Variants in AGBL4 observed in about 807,000 individuals in gnomAD.
AGBL4 encodes AGBL carboxypeptidase 4.
A neutral mutation model predicts 66.4 loss-of-function variants in AGBL4; 58 were observed. The observed-to-expected ratio is 0.87, with a 90% CI of 0.71 to 1.09. The LOEUF (loss-of-function observed/expected upper bound fraction) is 1.09. Ranked by LOEUF, AGBL4 falls within the 50% of genes least tolerant of loss-of-function variation. AGBL4 has a pLI of 0.00. For missense variants in AGBL4, 579 were observed against 631.0 expected (o/e 0.92, Z 0.88); for synonymous variants, 234 against 222.9 (o/e 1.05, Z -0.44).
At chr1:49,457,460 G>C (rs1315028113) in intron 3 of AGBL4, among the ~76,000 whole-genome samples, 1 of 151,750 alleles carries the variant, frequency 6.6e-6, no homozygotes, top group East Asian at 1.9e-4. Flanking sequence ...CTGGATATTA[G>C]CCCTTTGTTG....
chr1:48,829,186 T>C (rs1646495563), intron 6 of AGBL4, among the ~76,000 whole-genome samples: 2 of 152,182 alleles, frequency 1.3e-5, no homozygotes, highest in Non-Finnish European at 2.9e-5. Flanking sequence ...ACATAAGAGC[T>C]TGGTGGACCA....
intron 3 of AGBL4, among the ~76,000 whole-genome samples, chr1:49,394,965 A>G (rs1644927286): frequency 6.6e-6 from 1 of 152,184 alleles, no homozygotes; most frequent in African/African-American, 2.4e-5. Context: ...AATTAAGCCA[A>G]ACCATCAATC....
chr1:49,476,701 G>A (rs1308302606), intron 3 of AGBL4, among the ~76,000 whole-genome samples: 1 of 151,930 alleles, frequency 6.6e-6, no homozygotes, highest in African/African-American at 2.4e-5. Flanking sequence ...CTTAAAGACT[G>A]TTTTATGTAA....
intron 3 of AGBL4, among the ~76,000 whole-genome samples, chr1:49,673,828 G>T (rs1646527998): frequency 1.3e-5 from 2 of 151,904 alleles, no homozygotes; most frequent in Non-Finnish European, 2.9e-5. Context: ...AATCTAGTGT[G>T]CTGAGTTGTG....
At chr1:48,572,744 C>G (rs963184415) in intron 11 of AGBL4, among the ~76,000 whole-genome samples, 4 of 152,148 alleles carry the variant, frequency 2.6e-5, no homozygotes, top group Middle Eastern at 6.3e-3. Context: ...CCCTCCAGAG[C>G]ATAGGTCTTA....
intron 4 of AGBL4, among the ~76,000 whole-genome samples, chr1:49,236,500 T>C (rs1196330780): frequency 1.3e-5 from 2 of 152,150 alleles, no homozygotes; most frequent in Non-Finnish European, 2.9e-5. Context: ...TGTGGAGAGA[T>C]GGTAGTTAGG....
intron 3 of AGBL4, among the ~76,000 whole-genome samples, chr1:49,523,991 A>C (rs1176577934): frequency 6.6e-6 from 1 of 152,014 alleles, no homozygotes; most frequent in Non-Finnish European, 1.5e-5. Context: ...CATCATCATG[A>C]AGACAGCACT....
chr1:49,962,620 T>C (rs1657210717), intron 1 of AGBL4, among the ~76,000 whole-genome samples: 1 of 152,174 alleles, frequency 6.6e-6, no homozygotes, highest in Admixed American at 6.6e-5. Flanking sequence ...GATCTTACTA[T>C]GGCACTGTGC....
At chr1:49,055,731 T>A (rs568341479) in intron 4 of AGBL4, among the ~76,000 whole-genome samples, 32 of 152,274 alleles carry the variant, frequency 2.1e-4, no homozygotes, top group Non-Finnish European at 4.1e-4. Context: ...AAAATAAATA[T>A]GTTTTTAAAC....
chr1:49,262,431 T>C (rs1200744996), intron 3 of AGBL4, among the ~76,000 whole-genome samples: 2 of 152,018 alleles, frequency 1.3e-5, no homozygotes, highest in South Asian at 2.1e-4. Flanking sequence ...ATATCCAGAA[T>C]CTACAATGAA....
In AGBL4 at chr1:48,646,503, A is replaced by G. The variant is rs1431165010; in HGVS notation, c.839+6834T>C. On this transcript the variant is annotated intron_variant, in intron 8 of 13. Transcript: ENST00000371839. Reference sequence around the variant, plus strand: ...ATTTTGAGGTGGAAGAGGTAGGTAGACCAGTTATAATGTGTGTGTGTGTGT... The same window carrying G: ...ATTTTGAGGTGGAAGAGGTAGGTAGGCCAGTTATAATGTGTGTGTGTGTGT... Among the ~76,000 whole-genome samples, 12 of 127,270 alleles carry G rather than the reference A, an allele frequency of 9.4e-5. No homozygotes were observed. In the South Asian group the frequency reaches 3.3e-3, roughly 35 times the overall value. 83.5% of individuals were successfully genotyped at this position (127,270 alleles called of 152,430 possible). A position where few individuals can be genotyped will look rare whatever the true frequency, so the allele number is the denominator to read the frequency against.
chr1:48,677,655 C>T (rs1458045444), intron 6 of AGBL4, among the ~76,000 whole-genome samples: 5 of 152,164 alleles, frequency 3.3e-5, no homozygotes, highest in Non-Finnish European at 5.9e-5. Flanking sequence ...CAGTCTAACT[C>T]CAAAACCCTG....
intron 2 of AGBL4, chr1:49,845,866 G>T: frequency 7.0e-7 from 1 of 1,425,284 alleles, no homozygotes; most frequent in South Asian, 1.2e-5. Context: ...CTTCCTTCTG[G>T]CAGAGCACAA....
chr1:48,836,295 CA>C (rs33961883), intron 6 of AGBL4, among the ~76,000 whole-genome samples: 38,528 of 100,632 alleles, frequency 0.38, 5,424 homozygotes, highest in East Asian at 0.7. Flanking sequence ...TAAGTTTCCT[CA>C]AAAAAAAAAA....
rs551304183 is a variant in AGBL4 at position 49,319,090 on chromosome 1, A to C, written c.283-73226T>G. Among the ~76,000 whole-genome samples, 100 of 152,326 alleles carry C rather than the reference A, an allele frequency of 6.6e-4. 1 individual carries two copies. Among genetic ancestry groups the C allele is most frequent in the African/African-American group, 2.3e-3 (96 of 41,588 alleles). On this transcript the variant is annotated intron_variant, in intron 3 of 13. Coordinates refer to ENST00000371839, the MANE Select transcript of AGBL4 (RefSeq NM_032785.4). ...TAATACTAAAGTTTTTATTTATGAA[A>C]TATGTATGTACAATGCTGAACACTT...
chr1:48,922,183 C>T (rs1013722809), intron 5 of AGBL4, among the ~76,000 whole-genome samples: 3 of 152,158 alleles, frequency 2.0e-5, no homozygotes, highest in African/African-American at 7.2e-5. Context: ...TTCTTGCTAG[C>T]ACCCCAGTGT....
intron 6 of AGBL4, among the ~76,000 whole-genome samples, chr1:48,778,835 C>T (rs748839954): frequency 3.9e-5 from 6 of 152,182 alleles, no homozygotes; most frequent in Non-Finnish European, 7.3e-5. Flanking sequence ...TGAATCCCAT[C>T]AACATATAGC....
intron 3 of AGBL4, among the ~76,000 whole-genome samples, chr1:49,274,553 CT>C (rs1644127170): frequency 6.6e-6 from 1 of 152,030 alleles, no homozygotes; most frequent in Non-Finnish European, 1.5e-5. Flanking sequence ...TATTCTAAGA[CT>C]TTTTAAATCC....
intron 5 of AGBL4, among the ~76,000 whole-genome samples, chr1:48,933,645 C>G (rs1475832098): frequency 6.6e-6 from 1 of 152,216 alleles, no homozygotes; most frequent in Admixed American, 6.5e-5. Flanking sequence ...CTTCACATCT[C>G]TAACCTTCGG....
Sources: gnomAD v4.1 joint callset for allele counts (sites outside exome capture counted in the v4.1 genomes callset) on GRCh38, gnomAD v4.1.1 for gene constraint, MANE v1.5 for transcripts, NCBI Gene and HGNC (gene_info 2026-07-23, HGNC 2026-07-21) for gene names.